Variants in FSTL5 observed in about 807,000 individuals in gnomAD.
FSTL5 encodes follistatin like 5.
FSTL5 carries 62 observed loss-of-function variants against 89.1 expected under a neutral mutation model. That is an observed-to-expected ratio of 0.70 (90% CI 0.57 to 0.86). The LOEUF (loss-of-function observed/expected upper bound fraction) is 0.86. Ranked by LOEUF, FSTL5 falls within the 40% of genes least tolerant of loss-of-function variation. The pLI is 0.00. For synonymous variants in FSTL5, 383 were observed against 346.2 expected, an observed-to-expected ratio of 1.11 and a Z score of -1.18; for missense variants, 1,057 against 1,001.6, an observed-to-expected ratio of 1.06 and a Z score of -0.75.
intron 4 of FSTL5, among the ~76,000 whole-genome samples, chr4:161,848,711 C>T (rs948896469): frequency 2.6e-4 from 40 of 152,058 alleles, no homozygotes; most frequent in African/African-American, 9.4e-4. Context: ...TACTCCATAT[C>T]GTCGTCATTT....
chr4:161,799,717 C>T (rs543079068), intron 4 of FSTL5, among the ~76,000 whole-genome samples: 51 of 151,686 alleles, frequency 3.4e-4, no homozygotes, highest in Non-Finnish European at 7.4e-4. Context: ...TATAAGACAA[C>T]GGCTACATTT....
At chr4:161,611,256 AT>A (rs1020542796) in intron 7 of FSTL5, among the ~76,000 whole-genome samples, 2 of 135,972 alleles carry the variant, frequency 1.5e-5, no homozygotes, top group African/African-American at 2.8e-5. Context: ...ATATATATAT[AT>A]ATATATATAT....
In FSTL5 at chr4:161,425,538, T is replaced by A. The variant is rs182766353; in HGVS notation, c.1841+29466A>T. Among the ~76,000 whole-genome samples the A allele has an allele frequency of 4.9e-3, 742 of 152,246 alleles. 21 individuals carry two copies. The highest frequency in any genetic ancestry group is 1.3e-3 in the Non-Finnish European group (88 of 68,014). The stretch of plus-strand genomic sequence containing the variant: ...TTCGTGTATCACATTTTCATAGCTA[T>A]TTTTTGCCCAGGAAATTCCTATTCT... On this transcript the variant is annotated intron_variant, in intron 15 of 15. Transcript: ENST00000306100.
chr4:162,090,400 AAAC>A (rs1264062720), intron 2 of FSTL5, among the ~76,000 whole-genome samples: 1 of 152,148 alleles, frequency 6.6e-6, no homozygotes, highest in Non-Finnish European at 1.5e-5. Context: ...TACAAAAGAA[AAAC>A]AACCCCATTA....
At chr4:161,845,361 T>C (rs1579136144) in intron 4 of FSTL5, among the ~76,000 whole-genome samples, 6 of 152,176 alleles carry the variant, frequency 3.9e-5, no homozygotes, top group Admixed American at 3.9e-4. Context: ...AAAACAGGCA[T>C]GGATATTGTT....
rs566454288 is a variant in FSTL5, at chr4:161,872,169, G to C, written c.409+48235C>G. 1.4e-3 allele frequency among the ~76,000 whole-genome samples: 152 copies of C among 107,272 alleles called. 2 individuals carry two copies. The Middle Eastern group carries it at 0.023, about 17-fold the overall frequency. The allele number at this position is 107,272 out of a possible 152,430, so 70.4% of individuals were successfully genotyped here. A position where few individuals can be genotyped will look rare whatever the true frequency, so the allele number is the denominator to read the frequency against. ...TTTTTTTTTTTTTTTGTAGAGACAA[G>C]GATTCATCATGTTGTCCAGGCTGGT... On this transcript the variant is annotated intron_variant, in intron 4 of 15. Coordinates refer to ENST00000306100, the MANE Select transcript of FSTL5 (RefSeq NM_020116.5).
intron 7 of FSTL5, among the ~76,000 whole-genome samples, chr4:161,643,586 A>G (rs1029531826): frequency 6.6e-6 from 1 of 152,178 alleles, no homozygotes; most frequent in Non-Finnish European, 1.5e-5. Context: ...AGTTAAATCA[A>G]TATTTGTTAA....
At chr4:162,022,068 G>T (rs893220878) in intron 3 of FSTL5, among the ~76,000 whole-genome samples, 1 of 151,034 alleles carries the variant, frequency 6.6e-6, no homozygotes, top group Non-Finnish European at 1.5e-5. Context: ...TCCAGCCTGG[G>T]TGACAGAGCA....
At chr4:162,003,174 T>C (rs1736516263) in intron 3 of FSTL5, among the ~76,000 whole-genome samples, 1 of 152,088 alleles carries the variant, frequency 6.6e-6, no homozygotes, top group African/African-American at 2.4e-5. Context: ...AAGCCATTTA[T>C]TATTTTATTT....
intron 4 of FSTL5, among the ~76,000 whole-genome samples, chr4:161,804,649 G>A (rs1023535413): frequency 3.3e-5 from 5 of 151,626 alleles, no homozygotes; most frequent in African/African-American, 9.7e-5. Context: ...TAATAAGGAC[G>A]GTTTTGAGAT....
intron 4 of FSTL5, among the ~76,000 whole-genome samples, chr4:161,798,695 T>A (rs1314447061): frequency 6.6e-6 from 1 of 151,568 alleles, no homozygotes; most frequent in Non-Finnish European, 1.5e-5. Context: ...AACCACTGAT[T>A]TTTACTTCCA....
intron 8 of FSTL5, among the ~76,000 whole-genome samples, chr4:161,582,663 A>T (rs68120052): frequency 0.21 from 31,397 of 152,142 alleles, 3,482 homozygotes; most frequent in Non-Finnish European, 0.25. Flanking sequence ...ATAAAGTGTC[A>T]TTATTCTATT....
intron 3 of FSTL5, among the ~76,000 whole-genome samples, chr4:162,007,147 G>A (rs1315784781): frequency 6.6e-6 from 1 of 151,722 alleles, no homozygotes; most frequent in Non-Finnish European, 1.5e-5. Flanking sequence ...ATTTTAAAAA[G>A]ATAGTTGTTT....
At chr4:162,086,332 T>G (rs538849164) in intron 2 of FSTL5, among the ~76,000 whole-genome samples, 8 of 151,926 alleles carry the variant, frequency 5.3e-5, no homozygotes, top group Non-Finnish European at 1.0e-4. Flanking sequence ...TTCCTATCTT[T>G]CTTTATTTCA....
chr4:161,853,706 C>T lies in FSTL5; in HGVS notation c.409+66698G>A, dbSNP rs180988295. ...ATTATTGGCATAACCAAGAGAAAAA[C>T]GTTAACCTTTCTTGGGTAGGTATTT... On this transcript the variant is annotated intron_variant, in intron 4 of 15. Transcript: ENST00000306100. Among the ~76,000 whole-genome samples the T allele has an allele frequency of 1.9e-3, 294 of 152,254 alleles. 1 individual carries two copies. Among genetic ancestry groups the T allele is most frequent in the African/African-American group, 6.5e-3 (272 of 41,560 alleles).
At chr4:161,572,815 T>G (rs1055044209) in intron 8 of FSTL5, among the ~76,000 whole-genome samples, 1 of 152,124 alleles carries the variant, frequency 6.6e-6, no homozygotes, top group Non-Finnish European at 1.5e-5. Flanking sequence ...ACAATCAGAC[T>G]GTAGGAGAAG....
At chr4:161,799,725 T>C (rs1729739538) in intron 4 of FSTL5, among the ~76,000 whole-genome samples, 2 of 151,668 alleles carry the variant, frequency 1.3e-5, no homozygotes, top group Admixed American at 6.6e-5. Flanking sequence ...AACGGCTACA[T>C]TTTCTTTCAC....
At chr4:161,732,762 C>T (rs1056688374) in intron 6 of FSTL5, among the ~76,000 whole-genome samples, 2 of 151,430 alleles carry the variant, frequency 1.3e-5, no homozygotes, top group Non-Finnish European at 3.0e-5. Context: ...ATTACTCCTT[C>T]CTCATTATAT....
intron 1 of FSTL5, among the ~76,000 whole-genome samples, chr4:162,140,201 C>T (rs992557793): frequency 4.6e-5 from 7 of 152,046 alleles, no homozygotes; most frequent in Non-Finnish European, 1.0e-4. Flanking sequence ...GGCACAATCA[C>T]TTTAAAATGC....
Sources: allele counts gnomAD v4.1 joint callset (sites outside exome capture counted in the v4.1 genomes callset), GRCh38; gene constraint gnomAD v4.1.1; transcripts MANE v1.5; gene names NCBI Gene and HGNC (gene_info 2026-07-23, HGNC 2026-07-21).